Variants in IL3RA observed in about 807,000 individuals in gnomAD.
The protein encoded by IL3RA is interleukin-3 receptor subunit alpha.
IL3RA carries 73 observed loss-of-function variants against 52.3 expected under a neutral mutation model. The ratio of observed to expected loss-of-function variants is 1.40; its 90% CI spans 1.16 to 1.70. IL3RA has a LOEUF of 1.70. Ranked by LOEUF, IL3RA falls within the 40% of genes most tolerant of loss-of-function variation. The pLI is 0.00. For missense variants in IL3RA, 664 were observed against 504.4 expected, an observed-to-expected ratio of 1.32 and a Z score of -3.03; for synonymous variants, 260 against 194.0, an observed-to-expected ratio of 1.34 and a Z score of -2.83.
intron 9 of IL3RA, among the ~76,000 whole-genome samples, chrX:1,368,348 G>A (rs17880912): frequency 0.015 from 2,234 of 152,186 alleles, 32 homozygotes; most frequent in South Asian, 0.045. Flanking sequence ...ACTTTGGGAG[G>A]CTGAGGTGGG....
rs1355205373 is a variant in IL3RA at position 1,348,644 on chromosome X, C to CTTTCTTTCTT, written c.298+100_298+101insTTCTTTCTTT. The CTTTCTTTCTT allele has an allele frequency of 2.9e-4, 144 of 496,902 alleles. 2 individuals are homozygous for CTTTCTTTCTT. The highest frequency in any genetic ancestry group is 1.7e-3 in the Middle Eastern group (4 of 2,302). The allele number at this position is 496,902 out of a possible 1,614,324, so 30.8% of individuals were successfully genotyped here. On this transcript the variant is annotated intron_variant, in intron 4 of 11. Transcript: ENST00000331035. ...GCTGTGTCTTTTTTCTTTTCTTTTT[C>CTTTCTTTCTT]TCTTTCTTTCTTTCTTTCTTTCTTT...
At chrX:1,355,501 C>T (rs1259144753) in intron 6 of IL3RA, among the ~76,000 whole-genome samples, 2 of 142,484 alleles carry the variant, frequency 1.4e-5, no homozygotes, top group Non-Finnish European at 3.1e-5. Flanking sequence ...GCTGGACTTC[C>T]TTCCAGGGGC....
At chrX:1,367,800 CGGGTGAGCGGGGTGCGCG>C (rs1264526475) in intron 9 of IL3RA, among the ~76,000 whole-genome samples, 307 of 79,506 alleles carry the variant, frequency 3.9e-3, no homozygotes, top group African/African-American at 0.013. Context: ...CGGGGTGCGC[CGGGTGAGCGGGGTGCGCG>C]GGGTGAGCGG....
chrX:1,368,510 G>A (rs757515067), intron 9 of IL3RA, among the ~76,000 whole-genome samples: 1 of 152,144 alleles, frequency 6.6e-6, no homozygotes. Flanking sequence ...CGCTTGAATT[G>A]TGTTCCCTCA....
At chrX:1,356,771 C>CAAA (rs749215619) in intron 7 of IL3RA, among the ~76,000 whole-genome samples, 1 of 122,294 alleles carries the variant, frequency 8.2e-6, no homozygotes, top group African/African-American at 3.1e-5. Context: ...GACTCCGTCT[C>CAAA]AAAAAAAAAA....
At chrX:1,365,023 G>T in intron 8 of IL3RA, 115 bp from the exon 9 acceptor site, 3 of 659,970 alleles carry the variant, frequency 4.5e-6, no homozygotes, top group Non-Finnish European at 8.3e-6. Flanking sequence ...TGGCCAGGCT[G>T]GTCTCGAACT....
At position 1,347,417 on chromosome X, in the gene IL3RA, C is replaced by G. The variant is rs1342530537; in HGVS notation, c.184-1014C>G. ...CCGAGATCGCGCCACTGCACTCCAG[C>G]CTGGGCGACAGAGCGAGACTCTGTC... On this transcript the variant is annotated intron_variant, in intron 3 of 11. Transcript: ENST00000331035. 2.6e-5 allele frequency among the ~76,000 whole-genome samples: 4 copies of G among 151,364 alleles called. No homozygotes were observed. In the East Asian group the frequency reaches 7.7e-4, roughly 29 times the overall value.
Position 1,356,237 on chromosome X carries a change from C to A in IL3RA, c.633C>A (p.Pro211=). 1.2e-6 allele frequency: 2 copies of A among 1,610,238 alleles called. No homozygotes were observed. Among genetic ancestry groups the A allele is most frequent in the East Asian group, 2.2e-5 (1 of 44,844 alleles). Residue 211 remains proline (P), a synonymous_variant, in exon 7 of 12, where the codon CCC becomes CCA. Coordinates refer to ENST00000331035, the MANE Select transcript of IL3RA (RefSeq NM_002183.4). ...CGTTGCTAGAGATATTAACTCCACC[C>A]AACATGACTGCAAAGTGTAATAAGA... The part of the protein sequence containing the change: ...VFSQIEILTP[P]NMTAKCNKTH...
At chrX:1,337,792 C>A (rs1397935121) in intron 1 of IL3RA, among the ~76,000 whole-genome samples, 18 of 147,884 alleles carry the variant, frequency 1.2e-4, no homozygotes, top group Admixed American at 2.7e-4. Flanking sequence ...TGTGGTCCAG[C>A]CACACAGTGG....
intron 9 of IL3RA, among the ~76,000 whole-genome samples, chrX:1,378,269 C>T (rs2088937309): frequency 6.6e-6 from 1 of 152,080 alleles, no homozygotes; most frequent in African/African-American, 2.4e-5. Flanking sequence ...GTTCAAAGCA[C>T]GCACGCCAGT....
intron 10 of IL3RA, among the ~76,000 whole-genome samples, chrX:1,379,910 G>A (rs1165124337): frequency 2.0e-5 from 3 of 152,228 alleles, no homozygotes; most frequent in Non-Finnish European, 4.4e-5. Context: ...ACAAGGATGT[G>A]CCACCACGCC....
At chrX:1,351,548 C>T (rs1485805642) in intron 4 of IL3RA, among the ~76,000 whole-genome samples, 2 of 151,188 alleles carry the variant, frequency 1.3e-5, no homozygotes, top group Non-Finnish European at 2.9e-5. Flanking sequence ...AGGCCGGTCT[C>T]GAACTCCGGA....
chrX:1,345,371 C>T lies in IL3RA; in HGVS notation c.120C>T (p.Thr40=), dbSNP rs1360280248. The T allele has an allele frequency of 1.2e-6, 2 of 1,611,402 alleles. No homozygotes were observed. Among genetic ancestry groups the T allele is most frequent in the African/African-American group, 1.3e-5 (1 of 74,764 alleles). Residue 40 remains threonine, a synonymous_variant, in exon 3 of 12, where the codon ACC becomes ACT. Transcript: ENST00000331035. The stretch of plus-strand genomic sequence containing the variant: ...TGAAAGCAAAGGCTCAGCAGTTGAC[C>T]TGGGACCTTAACAGAAATGTGACCG... ...LRMKAKAQQL[T]WDLNRNVTDI...
In IL3RA at chrX:1,357,909, T is replaced by C. The variant is rs369481136; in HGVS notation, c.733-952T>C. Among the ~76,000 whole-genome samples, 135 of 150,588 alleles carry C rather than the reference T, an allele frequency of 9.0e-4. 1 individual carries two copies. In the East Asian group the frequency reaches 0.026, roughly 29 times the overall value. ...CGAGGTCAGGAGATAGAGACCATCC[T>C]GGCTAACATGGTAAAACCCCGTCTC... On this transcript the variant is annotated intron_variant, in intron 7 of 11. Transcript: ENST00000331035.
At chrX:1,345,477 AT>A in intron 3 of IL3RA, 43 bp downstream of exon 3, 1 of 1,194,358 alleles carries the variant, frequency 8.4e-7, no homozygotes, top group Non-Finnish European at 1.1e-6. Flanking sequence ...TATTTTATTT[AT>A]TTATGTATTT....
chrX:1,377,490 G>A (rs1285953852), intron 9 of IL3RA, among the ~76,000 whole-genome samples: 5 of 151,990 alleles, frequency 3.3e-5, no homozygotes, highest in South Asian at 2.1e-4. Context: ...TGATCCGCCC[G>A]CCTTGGCCTC....
intron 1 of IL3RA, among the ~76,000 whole-genome samples, chrX:1,340,115 C>CTTTTTTTTTT (rs779128210): frequency 6.3e-5 from 8 of 127,192 alleles, no homozygotes; most frequent in Non-Finnish European, 6.8e-5. Flanking sequence ...CTTTTCTTTT[C>CTTTTTTTTTT]TTTTTTTTTT....
chrX:1,347,781 G>A (rs1242453710), intron 3 of IL3RA, among the ~76,000 whole-genome samples: 1 of 151,934 alleles, frequency 6.6e-6, no homozygotes, highest in Non-Finnish European at 1.5e-5. Context: ...GCTCACGCCT[G>A]TCATCCCAGC....
In IL3RA at chrX:1,346,158, C is replaced by T. The variant is rs1330242912; in HGVS notation, c.183+724C>T. Among the ~76,000 whole-genome samples the T allele has an allele frequency of 1.4e-4, 21 of 151,674 alleles. 1 individual carries two copies. Among genetic ancestry groups the T allele is most frequent in the Non-Finnish European group, 2.2e-4 (15 of 67,972 alleles). On this transcript the variant is annotated intron_variant, in intron 3 of 11. Coordinates refer to ENST00000331035, the MANE Select transcript of IL3RA (RefSeq NM_002183.4). ...TGAAACGCTGTCTCTGCTAAAAATA[C>T]GAAAGTTAGCCGGGCACAGTGGCTC...
Sources: allele counts gnomAD v4.1 joint callset (sites outside exome capture counted in the v4.1 genomes callset), GRCh38; gene constraint gnomAD v4.1.1; transcripts MANE v1.5; gene names NCBI Gene and HGNC (gene_info 2026-07-23, HGNC 2026-07-21).